TTC9B: variants seen among roughly 807,000 people sequenced by gnomAD.
TTC9B encodes the protein tetratricopeptide repeat protein 9B.
In TTC9B, 12 loss-of-function variants were observed where a neutral mutation model predicts 19.4. The ratio of observed to expected loss-of-function variants is 0.62; its 90% CI spans 0.40 to 1.00. The LOEUF is 1.00. Among genes scored for constraint, TTC9B ranks in the 50% least tolerant of loss-of-function variants. The pLI is 0.00. For synonymous variants in TTC9B, 156 were observed against 158.6 expected (o/e 0.98, Z 0.12); for missense variants, 316 against 345.2 (o/e 0.92, Z 0.67).
chr19:40,216,338 C>T lies in TTC9B; in HGVS notation c.611-66G>A, dbSNP rs1189550831. 28 of 1,197,790 alleles carry T rather than the reference C, an allele frequency of 2.3e-5. No individual in the cohort carries two copies. The East Asian group carries it at 5.2e-4, about 22-fold the overall frequency. 74.2% of individuals were successfully genotyped at this position (1,197,790 alleles called of 1,614,324 possible). A position where few individuals can be genotyped will look rare whatever the true frequency, so the allele number is the denominator to read the frequency against. ...GGCAGCAGGTGACTTCCACACCTCC[C>T]TGGCTCACACCCCATTCTCCGAAGT... On this transcript the variant is annotated intron_variant, in intron 2 of 2. Coordinates refer to ENST00000311308, the MANE Select transcript of TTC9B (RefSeq NM_152479.6).
chr19:40,216,144 A>C lies in TTC9B; in HGVS notation c.*19T>G, dbSNP rs781162798. 1.1e-5 allele frequency: 17 copies of C among 1,601,648 alleles called. No individual in the cohort carries two copies. In the South Asian group the frequency reaches 1.4e-4, roughly 13 times the overall value. On this transcript the variant is annotated 3_prime_UTR_variant, in exon 3 of 3. Coordinates refer to ENST00000311308, the MANE Select transcript of TTC9B (RefSeq NM_152479.6). ...TGAGGTGGGAGGGCGAGGGATAGAGAGGTCCCCCTGGATTGGCCTCAGCCA... is the reference window on the plus strand; with the variant it reads ...TGAGGTGGGAGGGCGAGGGATAGAGCGGTCCCCCTGGATTGGCCTCAGCCA...
rs1472592513 is a variant in TTC9B at position 40,217,334 on chromosome 19, G to A, written c.463C>T (p.Arg155Cys). The A allele has an allele frequency of 6.2e-7, 1 of 1,613,800 alleles. No individual in the cohort carries two copies. The highest frequency in any genetic ancestry group is 8.5e-7 in the Non-Finnish European group (1 of 1,179,882). Residue 155 changes from arginine (R) to cysteine (C), a missense_variant, in exon 2 of 3, where the codon CGC becomes TGC. Physicochemically the swap from Arg to Cys is radical, Grantham distance 180. Transcript: ENST00000311308. Reference sequence around the variant, plus strand: ...ACCTTGAGACAGTACTCGCGCACGCGCTCGTAGTTTACCAGCTCCGACTGC... The same window carrying A: ...ACCTTGAGACAGTACTCGCGCACGCACTCGTAGTTTACCAGCTCCGACTGC... ...LLQSELVNYE[R>C]VREYCLKVLE...
chr19:40,217,386 GC>G lies in TTC9B; in HGVS notation c.428-18del. ...GCAGGCAAGCTGCGAGGGCCCCGCGGCCGGCACTCTCAGAGCCTGCTGGCAC... is the reference window on the plus strand; with the variant it reads ...GCAGGCAAGCTGCGAGGGCCCCGCGGCGGCACTCTCAGAGCCTGCTGGCAC... On this transcript the variant is annotated intron_variant, in intron 1 of 2. Coordinates refer to ENST00000311308, the MANE Select transcript of TTC9B (RefSeq NM_152479.6). 1 of 1,606,962 alleles carries G rather than the reference GC, an allele frequency of 6.2e-7. No homozygotes were observed.
At chr19:40,216,404 T>G in intron 2 of TTC9B, 132 bp from the exon 3 acceptor site, 2 of 663,226 alleles carry the variant, frequency 3.0e-6, no homozygotes, top group Admixed American at 2.3e-5. Flanking sequence ...GCCAGAGCCC[T>G]TCCCCAAAGC....
chr19:40,216,224 C>T lies in TTC9B; in HGVS notation c.659G>A (p.Arg220His), dbSNP rs367761327. The T allele has an allele frequency of 1.2e-6, 2 of 1,614,202 alleles. No individual in the cohort carries two copies. The highest frequency in any genetic ancestry group is 1.7e-6 in the Non-Finnish European group (2 of 1,180,024). Residue 220 changes from arginine to histidine, a missense_variant, in exon 3 of 3, where the codon CGT becomes CAT. Arg to His is a conservative substitution (Grantham distance 29). Coordinates refer to ENST00000311308, the MANE Select transcript of TTC9B (RefSeq NM_152479.6). ...ACTGTCTTCCCGCTGGAGGCTGCAA[C>T]GATTCATCTTCAGCTGAGTCAGCTG... is the stretch of plus-strand genomic sequence containing the variant. The part of the protein sequence containing the change: ...YIQLTQLKMN[R>H]CSLQREDSGA...
At position 40,217,381 on chromosome 19, in the gene TTC9B, C is replaced by T. The variant is rs1218472231; in HGVS notation, c.428-12G>A. The T allele has an allele frequency of 6.2e-7, 1 of 1,607,480 alleles. No homozygotes were observed. The highest frequency in any genetic ancestry group is 1.3e-5 in the African/African-American group (1 of 74,950). ...CTGCAGCAGGCAAGCTGCGAGGGCC[C>T]CGCGGCCGGCACTCTCAGAGCCTGC... On this transcript the variant is annotated splice_polypyrimidine_tract_variant and intron_variant, in intron 1 of 2. Transcript: ENST00000311308.
At position 40,217,971 on chromosome 19, in the gene TTC9B, A is replaced by G; in HGVS notation, c.411T>C (p.Cys137=). The G allele has an allele frequency of 6.7e-7, 1 of 1,488,666 alleles. No individual in the cohort carries two copies. Among genetic ancestry groups the G allele is most frequent in the Non-Finnish European group, 8.9e-7 (1 of 1,126,774 alleles). The allele number at this position is 1,488,666 out of a possible 1,614,324, so 92.2% of individuals were successfully genotyped here. The change falls in exon 1 of 3, where the codon TGT becomes TGC. Residue 137 remains cysteine, a synonymous_variant. Transcript: ENST00000311308. ...RRLVESTEVE[C]YDSLTACLLQ... ...ACGGCGTACCCGTGAGGGAGTCGTA[A>G]CACTCCACCTCCGTGCTCTCCACCA...
chr19:40,218,245 G>T lies in TTC9B; in HGVS notation c.137C>A (p.Pro46His). Residue 46 changes from proline to histidine, a missense_variant, in exon 1 of 3, where the codon CCT becomes CAT. By Grantham distance (77) the Pro-to-His change is moderately conservative (BLOSUM62 -2). Coordinates refer to ENST00000311308, the MANE Select transcript of TTC9B (RefSeq NM_152479.6). The surrounding 1 kb of genome is among the most constrained non-coding windows in gnomAD (Gnocchi z 4.2). The part of the protein sequence containing the change: ...GSRHGSARPG[P>H]TPEPSGSLGA... ...CAGGCTCCCCGACGGCTCTGGGGTAGGACCGGGACGAGCCGAGCCATGGCG... is the reference window on the plus strand; with the variant it reads ...CAGGCTCCCCGACGGCTCTGGGGTATGACCGGGACGAGCCGAGCCATGGCG... The T allele has an allele frequency of 6.6e-7, 1 of 1,507,676 alleles. No homozygotes were observed. The highest frequency in any genetic ancestry group is 8.8e-7 in the Non-Finnish European group (1 of 1,136,580). 93.4% of individuals were successfully genotyped at this position (1,507,676 alleles called of 1,614,324 possible). A position where few individuals can be genotyped will look rare whatever the true frequency, so the allele number is the denominator to read the frequency against.
intron 2 of TTC9B, 36 bp from the exon 3 acceptor site, chr19:40,216,308 C>G: frequency 1.3e-6 from 2 of 1,567,702 alleles, no homozygotes; most frequent in East Asian, 4.5e-5. Flanking sequence ...ATCTGGGTGT[C>G]CCGGGGCAGC....
In TTC9B at chr19:40,218,097, C is replaced by T; in HGVS notation, c.285G>A (p.Leu95=). ...TAGGGCGGGCCCCCTGCGCCGCCTT[C>T]AGCTGCAGCAGCGCTCGGTGGTACT... ...IGKYHRALLQ[L]KAAQGARPSG... Residue 95 remains leucine (L), a synonymous_variant, in exon 1 of 3, where the codon CTG becomes CTA. Transcript: ENST00000311308. The surrounding 1 kb of genome is among the most constrained non-coding windows in gnomAD (Gnocchi z 4.2). 2.6e-6 allele frequency: 4 copies of T among 1,559,408 alleles called. No homozygotes were observed. The highest frequency in any genetic ancestry group is 3.5e-6 in the Non-Finnish European group (4 of 1,158,298).
At chr19:40,217,412 C>T (rs1191366918) in intron 1 of TTC9B, 43 bp from the exon 2 acceptor site, 6 of 1,587,890 alleles carry the variant, frequency 3.8e-6, no homozygotes, top group East Asian at 2.3e-5. Flanking sequence ...CCTGCTGGCA[C>T]CCCCAGAACC....
Position 40,217,210 on chromosome 19 carries a change from T to G in TTC9B, c.587A>C (p.Glu196Ala), listed in dbSNP as rs755757826. 1.1e-5 allele frequency: 17 copies of G among 1,613,274 alleles called. No homozygotes were observed. The highest frequency in any genetic ancestry group is 1.4e-5 in the Non-Finnish European group (17 of 1,179,822). ...DYARALRYLQ[E>A]ARSREPTDTN... is the part of the protein sequence containing the mutation. ...ACCTGTGGGTTCCCGGCTGCGGGCC[T>G]CCTGCAGGTAGCGCAGCGCGCGTGC... The change falls in exon 2 of 3, where the codon GAG becomes GCG. Residue 196 changes from glutamate to alanine, a missense_variant. By Grantham distance (107) the Glu-to-Ala change is moderately radical. Transcript: ENST00000311308.
At chr19:40,216,913 TC>T in intron 2 of TTC9B, 1 of 569,720 alleles carries the variant, frequency 1.8e-6, no homozygotes, top group Middle Eastern at 4.7e-4. Context: ...ATAGGAGATA[TC>T]AGATGTGGCA....
intron 2 of TTC9B, chr19:40,216,632 C>A: frequency 3.1e-6 from 1 of 326,214 alleles, no homozygotes; most frequent in Non-Finnish European, 5.8e-6. Flanking sequence ...TGTTGTAATC[C>A]CTCTTCCTTC....
At chr19:40,216,482 G>C in intron 2 of TTC9B, 1 of 553,854 alleles carries the variant, frequency 1.8e-6, no homozygotes, top group East Asian at 3.1e-5. Context: ...CTGTATTTGC[G>C]GCACCCTCTG....
chr19:40,216,401 C>T lies in TTC9B; in HGVS notation c.611-129G>A, dbSNP rs559842965. On this transcript the variant is annotated intron_variant, in intron 2 of 2. Transcript: ENST00000311308. ...GCTCACACAGCCAGTAGAGCCAGAG[C>T]CCTTCCCCAAAGCCCCAGTCACAGT... 7 of 673,798 alleles carry T rather than the reference C, an allele frequency of 1.0e-5. No individual in the cohort carries two copies. In the South Asian group the frequency reaches 1.2e-4, roughly 12 times the overall value. 41.7% of individuals were successfully genotyped at this position (673,798 alleles called of 1,614,324 possible).
chr19:40,217,231 C>T lies in TTC9B; in HGVS notation c.566G>A (p.Arg189His), dbSNP rs753589730. 2.5e-6 allele frequency: 4 copies of T among 1,613,854 alleles called. No homozygotes were observed. The highest frequency in any genetic ancestry group is 2.5e-6 in the Non-Finnish European group (3 of 1,179,924). The part of the protein sequence containing the change: ...IAFYHLGDYA[R>H]ALRYLQEARS... ...GGCCTCCTGCAGGTAGCGCAGCGCG[C>T]GTGCGTAGTCGCCCAGGTGGTAGAA... is the stretch of plus-strand genomic sequence containing the variant. Residue 189 changes from arginine to histidine, a missense_variant, in exon 2 of 3, where the codon CGC becomes CAC. Coordinates refer to ENST00000311308, the MANE Select transcript of TTC9B (RefSeq NM_152479.6).
intron 2 of TTC9B, chr19:40,216,751 G>T (rs989832653): frequency 1.0e-5 from 3 of 297,398 alleles, no homozygotes; most frequent in Non-Finnish European, 1.9e-5. Context: ...TCCTGGCATC[G>T]TCCACCCGAG....
chr19:40,216,455 C>T, intron 2 of TTC9B, 183 bp from the exon 3 acceptor site: 1 of 598,562 alleles, frequency 1.7e-6, no homozygotes, highest in Admixed American at 2.7e-5. Context: ...GCGGAGCCAT[C>T]GCACACCTCT....
Sources: allele counts gnomAD v4.1 joint callset, GRCh38; gene constraint gnomAD v4.1.1; non-coding constraint Gnocchi (gnomAD v3.1); transcripts MANE v1.5; gene names NCBI Gene and HGNC (gene_info 2026-07-23, HGNC 2026-07-21).